Variants in KATNAL2 observed in about 807,000 individuals in gnomAD.
KATNAL2 encodes the protein katanin catalytic subunit A1 like 2.
Under a neutral mutation model 76.3 loss-of-function variants are expected in KATNAL2, and 52 were observed. The ratio of observed to expected loss-of-function variants is 0.68; its 90% CI spans 0.55 to 0.86. The LOEUF is 0.86. Among genes scored for constraint, KATNAL2 ranks in the 40% least tolerant of loss-of-function variants. KATNAL2 has a pLI of 0.00. For missense variants in KATNAL2, 660 were observed against 668.9 expected (o/e 0.99, Z 0.15); for synonymous variants, 243 against 244.2 (o/e 1.00, Z 0.05).
chr18:47,035,163 G>T (rs772005014), intron 3 of KATNAL2: 4 of 1,612,132 alleles, frequency 2.5e-6, no homozygotes, highest in Non-Finnish European at 3.4e-6. Flanking sequence ...GCAAGGCGGA[G>T]AGTTTCTGCA....
At position 46,958,816 on chromosome 18, in the gene KATNAL2, G is replaced by A. The variant is rs1393018089; in HGVS notation, c.51+11893G>A. ...AAAAAAATAATTAGAGTCAATGCAC[G>A]ATAATGGTTTTTGGAAAACTGGAAT... On this transcript the variant is annotated intron_variant, in intron 3 of 17. Transcript: ENST00000683218. Among the ~76,000 whole-genome samples, 9 of 152,286 alleles carry A rather than the reference G, an allele frequency of 5.9e-5. No homozygotes were observed. The South Asian group carries it at 8.3e-4, about 14-fold the overall frequency.
chr18:47,034,573 C>T, intron 3 of KATNAL2: 1 of 1,614,186 alleles, frequency 6.2e-7, no homozygotes, highest in Non-Finnish European at 8.5e-7. Flanking sequence ...TTTTTCCTGG[C>T]GAGACGATTT....
intron 1 of KATNAL2, among the ~76,000 whole-genome samples, chr18:46,931,308 A>G (rs2058913914): frequency 6.6e-6 from 1 of 151,124 alleles, no homozygotes; most frequent in South Asian, 2.1e-4. Flanking sequence ...TCAAAATAAA[A>G]AAAGAAATAA....
At chr18:47,034,607 C>G (rs780602972) in intron 3 of KATNAL2, 6 of 1,614,050 alleles carry the variant, frequency 3.7e-6, no homozygotes, top group Non-Finnish European at 3.4e-6. Context: ...TGGCTCACAA[C>G]GGCTTTCCCC....
intron 3 of KATNAL2, among the ~76,000 whole-genome samples, chr18:47,031,274 A>C (rs1175803532): frequency 2.6e-5 from 4 of 152,020 alleles, no homozygotes; most frequent in Non-Finnish European, 5.9e-5. Flanking sequence ...CGGTTTGGGC[A>C]GCGGAGTTCC....
intron 3 of KATNAL2, among the ~76,000 whole-genome samples, chr18:46,948,009 G>C (rs1245887429): frequency 6.6e-6 from 1 of 152,100 alleles, no homozygotes. Flanking sequence ...AGAAACCCCC[G>C]GGATGATTTC....
chr18:47,062,538 C>A (rs935098084), intron 8 of KATNAL2, among the ~76,000 whole-genome samples: 4 of 152,132 alleles, frequency 2.6e-5, no homozygotes, highest in African/African-American at 4.8e-5. Flanking sequence ...TCACAAAGAA[C>A]CTTTCACACT....
At chr18:46,947,640 C>CT (rs1181184438) in intron 3 of KATNAL2, among the ~76,000 whole-genome samples, 1 of 152,124 alleles carries the variant, frequency 6.6e-6, no homozygotes, top group Non-Finnish European at 1.5e-5. Flanking sequence ...GATCTCATTC[C>CT]TAGAGGTTCA....
At chr18:47,072,375 C>T (rs965828046) in intron 13 of KATNAL2, among the ~76,000 whole-genome samples, 15 of 152,210 alleles carry the variant, frequency 9.9e-5, no homozygotes, top group African/African-American at 3.4e-4. Flanking sequence ...GTTGCTGGAG[C>T]AGCCCTGCAG....
intron 3 of KATNAL2, chr18:47,034,518 G>C: frequency 6.2e-7 from 1 of 1,614,210 alleles, no homozygotes; most frequent in East Asian, 2.2e-5. Context: ...ATTTCTCCCT[G>C]ATCAAAGTAG....
intron 4 of KATNAL2, among the ~76,000 whole-genome samples, chr18:47,051,935 T>TA (rs977077470): frequency 1.3e-5 from 2 of 152,152 alleles, no homozygotes; most frequent in African/African-American, 4.8e-5. Context: ...GGAGGGCTAC[T>TA]AAAAAAGAAA....
intron 4 of KATNAL2, among the ~76,000 whole-genome samples, chr18:47,049,288 T>C (rs1478323634): frequency 1.3e-5 from 2 of 152,246 alleles, no homozygotes; most frequent in Non-Finnish European, 2.9e-5. Flanking sequence ...ATATGTAACA[T>C]GCTTAGAATC....
intron 17 of KATNAL2, 65 bp from the exon 18 acceptor site, chr18:47,100,801 G>A (rs2063423988): frequency 4.4e-6 from 7 of 1,581,246 alleles, no homozygotes; most frequent in Admixed American, 1.7e-5. Flanking sequence ...GTCTATTAGC[G>A]TTTCAAGAGC....
chr18:47,086,058 AC>A (rs1157450222), intron 15 of KATNAL2, among the ~76,000 whole-genome samples: 4 of 151,988 alleles, frequency 2.6e-5, no homozygotes, highest in Non-Finnish European at 5.9e-5. Flanking sequence ...ACACCACTGC[AC>A]CCCAGCCTGG....
At chr18:47,039,640 A>AGCACAC (rs2060896536) in intron 3 of KATNAL2, among the ~76,000 whole-genome samples, 1 of 152,202 alleles carries the variant, frequency 6.6e-6, no homozygotes, top group Non-Finnish European at 1.5e-5. Context: ...AGTGCAGTGG[A>AGCACAC]TCCAGTACTG....
chr18:47,076,415 G>C (rs2062225397), intron 14 of KATNAL2: 1 of 149,772 alleles, frequency 6.7e-6, no homozygotes, highest in Admixed American at 6.7e-5. Context: ...AACTGCACAG[G>C]CACCTAGATG....
chr18:47,034,686 G>C lies in KATNAL2; in HGVS notation c.52-11771G>C, dbSNP rs372494802. On this transcript the variant is annotated intron_variant, in intron 3 of 17. Coordinates refer to ENST00000683218, the MANE Select transcript of KATNAL2 (RefSeq NM_001387690.1). ...GAGCCGCGTGAGTGTGGCCTCTTCCGGGTTGCTTCCCGGGCGCAGCGGGCT... is the reference window on the plus strand; with the variant it reads ...GAGCCGCGTGAGTGTGGCCTCTTCCCGGTTGCTTCCCGGGCGCAGCGGGCT... The C allele has an allele frequency of 6.2e-6, 10 of 1,613,304 alleles. No homozygotes were observed. In the South Asian group the frequency reaches 8.8e-5, roughly 14 times the overall value.
chr18:47,091,819 A>C (rs1404546541), intron 15 of KATNAL2, among the ~76,000 whole-genome samples: 2 of 152,038 alleles, frequency 1.3e-5, no homozygotes, highest in South Asian at 4.1e-4. Context: ...GGACAGCAGG[A>C]AGAAGGAGTC....
intron 3 of KATNAL2, among the ~76,000 whole-genome samples, chr18:47,025,223 C>T (rs1471005929): frequency 4.4e-4 from 58 of 130,868 alleles, no homozygotes; most frequent in Middle Eastern, 3.7e-3. Context: ...AGGATCCTGC[C>T]GGTAGAGCCA....
Sources: gnomAD v4.1 joint callset for allele counts (sites outside exome capture counted in the v4.1 genomes callset) on GRCh38, gnomAD v4.1.1 for gene constraint, MANE v1.5 for transcripts, NCBI Gene and HGNC (gene_info 2026-07-23, HGNC 2026-07-21) for gene names.